Variants in DDX24 observed in about 807,000 individuals in gnomAD.
The protein encoded by DDX24 is DEAD-box helicase 24, also known as ATP-dependent RNA helicase DDX24.
A neutral mutation model predicts 68.9 loss-of-function variants in DDX24; 24 were observed. The observed-to-expected ratio is 0.35, with a 90% confidence interval of 0.25 to 0.49. DDX24 has a LOEUF of 0.49. DDX24 is among the 20% of genes least tolerant of loss of function. DDX24 has a pLI of 0.99. For missense variants in DDX24, 989 were observed against 1,039.0 expected (o/e 0.95, Z 0.66); for synonymous variants, 395 against 385.2 (o/e 1.03, Z -0.30).
At position 94,050,718 on chromosome 14, in the gene DDX24, C is replaced by T. The variant is rs1260095458; in HGVS notation, c.*473G>A. On this transcript the variant is annotated 3_prime_UTR_variant, in exon 9 of 9. Coordinates refer to ENST00000621632, the MANE Select transcript of DDX24 (RefSeq NM_020414.4). ...GCTCTGGGTAAAGCAGGAACATGCA[C>T]CTCTTGAACATTCCAGCCTCTTGCT... 6.4e-6 allele frequency: 1 copy of T among 155,426 alleles called. No homozygotes were observed. The highest frequency in any genetic ancestry group is 1.4e-5 in the Non-Finnish European group (1 of 70,410). 9.6% of individuals were successfully genotyped at this position (155,426 alleles called of 1,614,324 possible). A position where few individuals can be genotyped will look rare whatever the true frequency, so the allele number is the denominator to read the frequency against.
At chr14:94,074,683 T>A (rs560787303) in intron 2 of DDX24, among the ~76,000 whole-genome samples, 146 of 152,246 alleles carry the variant, frequency 9.6e-4, no homozygotes, top group African/African-American at 3.3e-3. Context: ...ACTTTACCAC[T>A]ACAATTCAAA....
At chr14:94,057,341 C>G (rs949432835) in intron 6 of DDX24, 1 of 153,746 alleles carries the variant, frequency 6.5e-6, no homozygotes, top group African/African-American at 2.4e-5. Flanking sequence ...TTCTTAAGCT[C>G]TTTATACTTA....
chr14:94,056,586 T>A (rs953895104), intron 6 of DDX24: 3 of 147,556 alleles, frequency 2.0e-5, no homozygotes, highest in African/African-American at 7.4e-5. Flanking sequence ...ATATCCTCTA[T>A]AATAAACTGG....
chr14:94,076,196 A>G (rs1401342216), intron 2 of DDX24, among the ~76,000 whole-genome samples: 1 of 152,224 alleles, frequency 6.6e-6, no homozygotes, highest in Non-Finnish European at 1.5e-5. Context: ...CAAAAACAAG[A>G]AAAAGCACAA....
chr14:94,051,163 A>C lies in DDX24; in HGVS notation c.*28T>G. ...GCAAATAGCCAGAGAACAGAAACCA[A>C]TGTGCAGTCACTGACACACTTGACC... On this transcript the variant is annotated 3_prime_UTR_variant, in exon 9 of 9. Coordinates refer to ENST00000621632, the MANE Select transcript of DDX24 (RefSeq NM_020414.4). The C allele has an allele frequency of 3.4e-6, 5 of 1,492,220 alleles. No individual in the cohort carries two copies. In the South Asian group the frequency reaches 6.9e-5, roughly 21 times the overall value. The allele number at this position is 1,492,220 out of a possible 1,614,324, so 92.4% of individuals were successfully genotyped here. A position where few individuals can be genotyped will look rare whatever the true frequency, so the allele number is the denominator to read the frequency against.
chr14:94,060,793 G>T lies in DDX24; in HGVS notation c.1397+120C>A. ...CACTCTTGGCTTTCTAAAGGCCAGG[G>T]TCTGGATGATACCACACCATAGCAT... On this transcript the variant is annotated intron_variant, in intron 4 of 8. Coordinates refer to ENST00000621632, the MANE Select transcript of DDX24 (RefSeq NM_020414.4). 10 of 1,494,170 alleles carry T rather than the reference G, an allele frequency of 6.7e-6. No individual in the cohort carries two copies. The African/African-American group carries it at 7.0e-5, about 10-fold the overall frequency. The allele number at this position is 1,494,170 out of a possible 1,614,324, so 92.6% of individuals were successfully genotyped here. A position where few individuals can be genotyped will look rare whatever the true frequency, so the allele number is the denominator to read the frequency against.
At chr14:94,080,766 T>G (rs1886066633) in intron 1 of DDX24, among the ~76,000 whole-genome samples, 1 of 150,234 alleles carries the variant, frequency 6.7e-6, no homozygotes, top group African/African-American at 2.5e-5. Flanking sequence ...GGGCGAGGGG[T>G]GCCACGCGAA....
At chr14:94,059,044 G>A (rs1885542512) in intron 5 of DDX24, among the ~76,000 whole-genome samples, 1 of 152,122 alleles carries the variant, frequency 6.6e-6, no homozygotes, top group African/African-American at 2.4e-5. Flanking sequence ...GTCTAACCTG[G>A]GCAACATAGC....
At chr14:94,054,513 G>A (rs1438413358) in intron 7 of DDX24, among the ~76,000 whole-genome samples, 1 of 152,172 alleles carries the variant, frequency 6.6e-6, no homozygotes, top group East Asian at 1.9e-4. Flanking sequence ...GCAAACCTCT[G>A]GGAAGGAGAA....
chr14:94,074,299 T>G (rs1167011461), intron 2 of DDX24, among the ~76,000 whole-genome samples: 1 of 152,244 alleles, frequency 6.6e-6, no homozygotes, highest in East Asian at 1.9e-4. Context: ...AACTATCCCA[T>G]GAACATAAGT....
At chr14:94,076,973 C>T (rs1885954425) in intron 2 of DDX24, among the ~76,000 whole-genome samples, 1 of 152,208 alleles carries the variant, frequency 6.6e-6, no homozygotes, top group Non-Finnish European at 1.5e-5. Context: ...AAGATGAACA[C>T]ATTTATGATG....
chr14:94,058,421 A>G (rs902550744), intron 5 of DDX24, among the ~76,000 whole-genome samples: 2 of 152,144 alleles, frequency 1.3e-5, no homozygotes, highest in African/African-American at 4.8e-5. Flanking sequence ...CTGACCACAC[A>G]TACCCAATCT....
At chr14:94,076,456 G>A (rs1885942494) in intron 2 of DDX24, among the ~76,000 whole-genome samples, 1 of 152,152 alleles carries the variant, frequency 6.6e-6, no homozygotes, top group African/African-American at 2.4e-5. Flanking sequence ...GCCGAAGCAG[G>A]CAGGTCATGA....
At chr14:94,069,774 T>A (rs1225387347) in intron 2 of DDX24, among the ~76,000 whole-genome samples, 1 of 152,068 alleles carries the variant, frequency 6.6e-6, no homozygotes, top group Non-Finnish European at 1.5e-5. Flanking sequence ...ATGATCTCAA[T>A]AGATGGAGAA....
At chr14:94,073,106 G>C (rs978384273) in intron 2 of DDX24, among the ~76,000 whole-genome samples, 4 of 126,040 alleles carry the variant, frequency 3.2e-5, no homozygotes, top group African/African-American at 1.3e-4. Flanking sequence ...TTTTTTTTGA[G>C]ATAGAGTCTC....
chr14:94,069,015 G>T (rs143580273), intron 2 of DDX24, among the ~76,000 whole-genome samples: 1 of 152,006 alleles, frequency 6.6e-6, no homozygotes, highest in Admixed American at 6.6e-5. Flanking sequence ...GCCAAGATCA[G>T]AGCAGAACTA....
chr14:94,055,452 C>T (rs987209689), intron 6 of DDX24: 3 of 457,840 alleles, frequency 6.6e-6, no homozygotes. Flanking sequence ...CCACAGCAGT[C>T]ACTTCTTATC....
intron 2 of DDX24, among the ~76,000 whole-genome samples, chr14:94,078,426 C>T (rs1885990254): frequency 2.0e-5 from 3 of 152,186 alleles, no homozygotes; most frequent in Admixed American, 6.5e-5. Flanking sequence ...CCAAAAGTCT[C>T]GCAGGAACCT....
rs111974986 is a variant in DDX24 at position 94,067,389 on chromosome 14, C to T, written c.719-4768G>A. Among the ~76,000 whole-genome samples the T allele has an allele frequency of 4.7e-3, 713 of 152,204 alleles. 1 individual carries two copies. The highest frequency in any genetic ancestry group is 7.8e-3 in the Non-Finnish European group (528 of 68,004). ...GGTGTACCTGAGGAAGGAGAGAATGCTAAAAGCTTGGAAAACATATTTGGA... is the reference window on the plus strand; with the variant it reads ...GGTGTACCTGAGGAAGGAGAGAATGTTAAAAGCTTGGAAAACATATTTGGA... On this transcript the variant is annotated intron_variant, in intron 2 of 8. Coordinates refer to ENST00000621632, the MANE Select transcript of DDX24 (RefSeq NM_020414.4).
Sources: allele counts gnomAD v4.1 joint callset (sites outside exome capture counted in the v4.1 genomes callset), GRCh38; gene constraint gnomAD v4.1.1; transcripts MANE v1.5; gene names NCBI Gene and HGNC (gene_info 2026-07-23, HGNC 2026-07-21).